HUNK: variants seen among roughly 807,000 people sequenced by gnomAD.
The protein encoded by HUNK is hormonally up-regulated Neu-associated kinase.
In HUNK, 21 loss-of-function variants were observed where a neutral mutation model predicts 61.0. The ratio of observed to expected loss-of-function variants is 0.34; its 90% CI spans 0.24 to 0.50. The LOEUF is 0.50. Ranked by LOEUF, HUNK falls within the 20% of genes least tolerant of loss-of-function variation. The probability of loss-of-function intolerance (pLI) is 0.98; values close to 1 mark genes in which losing one functional copy is unlikely to be tolerated. For missense variants in HUNK, 772 were observed against 945.7 expected (o/e 0.82, Z 2.41); for synonymous variants, 371 against 386.1 (o/e 0.96, Z 0.46).
intron 4 of HUNK, among the ~76,000 whole-genome samples, chr21:31,949,575 G>GCGCA (rs1555879246): frequency 3.3e-4 from 49 of 150,504 alleles, no homozygotes; most frequent in African/African-American, 1.2e-3. Flanking sequence ...AAGAATTTGT[G>GCGCA]CACACACACA....
intron 9 of HUNK, 86 bp downstream of exon 9, chr21:31,990,262 CTG>C (rs1187835773): frequency 2.4e-6 from 3 of 1,276,108 alleles, no homozygotes; most frequent in East Asian, 2.3e-5. Flanking sequence ...GAGATTGAGA[CTG>C]AGATTTATTT....
chr21:31,924,426 C>T lies in HUNK; in HGVS notation c.262-42C>T. On this transcript the variant is annotated intron_variant, in intron 1 of 10. Transcript: ENST00000270112. This position sits in a 1 kb window ranked among gnomAD's most constrained non-coding sequence, Gnocchi z 5.1. ...TGAGTAGCCAAGGCATCGCTATTGT[C>T]TGTAATGTCTGATAACAGGCATGTT... is the stretch of plus-strand genomic sequence containing the variant. 6.3e-7 allele frequency: 1 copy of T among 1,578,802 alleles called. No individual in the cohort carries two copies. Among genetic ancestry groups the T allele is most frequent in the Non-Finnish European group, 8.6e-7 (1 of 1,160,426 alleles).
In HUNK at chr21:31,973,410, G is replaced by C. The variant is rs147978009; in HGVS notation, c.1011-1145G>C. Among the ~76,000 whole-genome samples the C allele has an allele frequency of 3.6e-4, 55 of 152,178 alleles. 1 individual carries two copies. Among genetic ancestry groups the C allele is most frequent in the African/African-American group, 1.2e-3 (49 of 41,516 alleles). ...CTATGAGTGAGAAGATGCGGTGTTT[G>C]GTTTTCTGTCCTTGCGATAGTTTGT... is the stretch of plus-strand genomic sequence containing the variant. On this transcript the variant is annotated intron_variant, in intron 6 of 10. Transcript: ENST00000270112.
At chr21:31,908,911 G>C (rs2052527101) in intron 1 of HUNK, among the ~76,000 whole-genome samples, 1 of 152,048 alleles carries the variant, frequency 6.6e-6, no homozygotes, top group Admixed American at 6.6e-5. Context: ...TGTGTTTCAG[G>C]AGTTAAATAT....
Position 32,000,499 on chromosome 21 carries a change from G to C in HUNK, c.*1315G>C. 2.5e-6 allele frequency: 1 copy of C among 399,238 alleles called. No homozygotes were observed. Among genetic ancestry groups the C allele is most frequent in the Admixed American group, 4.4e-5 (1 of 22,744 alleles). The allele number at this position is 399,238 out of a possible 1,614,324, so 24.7% of individuals were successfully genotyped here. On this transcript the variant is annotated 3_prime_UTR_variant, in exon 11 of 11. Coordinates refer to ENST00000270112, the MANE Select transcript of HUNK (RefSeq NM_014586.2). Reference sequence around the variant, plus strand: ...TCCAGCTGGCACTTGACAGGGTGCAGTCATTGGTGAGAAGAATCAGAAAAA... The same window carrying C: ...TCCAGCTGGCACTTGACAGGGTGCACTCATTGGTGAGAAGAATCAGAAAAA...
Position 31,924,520 on chromosome 21 carries a change from C to T in HUNK, c.314C>T (p.Thr105Ile), listed in dbSNP as rs545460097. 1 of 1,614,012 alleles carries T rather than the reference C, an allele frequency of 6.2e-7. No homozygotes were observed. The highest frequency in any genetic ancestry group is 1.7e-5 in the Admixed American group (1 of 59,998). ...AGAGCCAAAAAGGACACCTATGTCA[C>T]CAAAAACCTGCGGCGAGAGGGTCAG... ...KKRAKKDTYV[T>I]KNLRREGQIQ... The change falls in exon 2 of 11, where the codon ACC becomes ATC. Residue 105 changes from threonine (T) to isoleucine (I), a missense_variant. By Grantham distance (89) the Thr-to-Ile change is moderately conservative (BLOSUM62 -1). Transcript: ENST00000270112. The surrounding 1 kb of genome is among the most constrained non-coding windows in gnomAD (Gnocchi z 5.1).
intron 1 of HUNK, among the ~76,000 whole-genome samples, chr21:31,913,647 G>A (rs1047942727): frequency 1.3e-5 from 2 of 151,968 alleles, no homozygotes; most frequent in Non-Finnish European, 2.9e-5. Context: ...GCACGTCAGA[G>A]CTCAGGAAGA....
intron 3 of HUNK, among the ~76,000 whole-genome samples, chr21:31,945,561 T>G (rs1420007442): frequency 2.0e-5 from 3 of 152,168 alleles, no homozygotes; most frequent in Non-Finnish European, 2.9e-5. Flanking sequence ...AAAAGTCAAC[T>G]GTAAGTGGCT....
chr21:31,917,759 C>CT (rs2123811702), intron 1 of HUNK, among the ~76,000 whole-genome samples: 1 of 148,614 alleles, frequency 6.7e-6, no homozygotes, highest in South Asian at 2.1e-4. Flanking sequence ...CACACACACC[C>CT]CTGGACTGAA....
At chr21:31,929,624 TA>T (rs1353929994) in intron 2 of HUNK, among the ~76,000 whole-genome samples, 1 of 152,118 alleles carries the variant, frequency 6.6e-6, no homozygotes, top group Non-Finnish European at 1.5e-5. Context: ...ACTATACAGA[TA>T]AAACACAACT....
chr21:31,968,115 G>C, intron 5 of HUNK, 135 bp from the exon 6 acceptor site: 1 of 1,028,008 alleles, frequency 9.7e-7, no homozygotes, highest in Non-Finnish European at 1.4e-6. Context: ...CCTGCCCAGA[G>C]ACCTAGAGAA....
intron 5 of HUNK, among the ~76,000 whole-genome samples, chr21:31,963,903 C>T (rs976744881): frequency 6.6e-6 from 1 of 152,168 alleles, no homozygotes; most frequent in African/African-American, 2.4e-5. Flanking sequence ...CATTATTGCC[C>T]TTGTGAATCC....
chr21:31,995,513 G>GCTC (rs2123258634), intron 9 of HUNK, among the ~76,000 whole-genome samples: 2 of 152,324 alleles, frequency 1.3e-5, no homozygotes, highest in South Asian at 4.1e-4. Context: ...CCCTGCCCTT[G>GCTC]CTGGAATGCC....
At chr21:31,973,581 G>GTGATGATGATGA (rs34890227) in intron 6 of HUNK, among the ~76,000 whole-genome samples, 10 of 150,314 alleles carry the variant, frequency 6.7e-5, no homozygotes, top group African/African-American at 2.4e-4. Flanking sequence ...GATGGTGGTG[G>GTGATGATGATGA]TGATGATGAT....
intron 2 of HUNK, among the ~76,000 whole-genome samples, chr21:31,939,789 C>T (rs1601388268): frequency 1.3e-5 from 2 of 150,804 alleles, no homozygotes; most frequent in South Asian, 2.1e-4. Context: ...CCCAGGGCCA[C>T]ATTCATATGA....
At chr21:31,954,596 A>G (rs1601396339) in intron 4 of HUNK, among the ~76,000 whole-genome samples, 1 of 152,226 alleles carries the variant, frequency 6.6e-6, no homozygotes, top group Non-Finnish European at 1.5e-5. Context: ...TGCTGGGCAC[A>G]GGTTCTTTGA....
intron 1 of HUNK, among the ~76,000 whole-genome samples, chr21:31,923,794 C>T (rs1312830949): frequency 6.6e-6 from 1 of 152,130 alleles, no homozygotes; most frequent in Non-Finnish European, 1.5e-5. Flanking sequence ...CCAGGAGGAG[C>T]TTCCTGAGGG....
intron 1 of HUNK, among the ~76,000 whole-genome samples, chr21:31,892,180 TAGAGAGAGAG>T (rs66753649): frequency 0.022 from 2,430 of 109,660 alleles, 33 homozygotes; most frequent in Middle Eastern, 0.044. Flanking sequence ...TATATATATA[TAGAGAGAGAG>T]AGAGAGAGAG....
At chr21:31,887,449 T>G (rs900477178) in intron 1 of HUNK, among the ~76,000 whole-genome samples, 6 of 152,228 alleles carry the variant, frequency 3.9e-5, no homozygotes, top group Admixed American at 2.0e-4. Flanking sequence ...TTTGCAATCC[T>G]GCTTGCTTCT....
Sources: allele counts gnomAD v4.1 joint callset (sites outside exome capture counted in the v4.1 genomes callset), GRCh38; gene constraint gnomAD v4.1.1; non-coding constraint Gnocchi (gnomAD v3.1); transcripts MANE v1.5; gene names NCBI Gene and HGNC (gene_info 2026-07-23, HGNC 2026-07-21).